Variants in RTN4R observed in about 807,000 individuals in gnomAD.
RTN4R encodes the protein reticulon-4 receptor.
In RTN4R, 4 loss-of-function variants were observed where a neutral mutation model predicts 27.7. The ratio of observed to expected loss-of-function variants is 0.14; its 90% CI spans 0.07 to 0.33. The LOEUF is 0.33. Ranked by LOEUF, RTN4R falls within the 10% of genes least tolerant of loss-of-function variation. The pLI is 1.00. For missense variants in RTN4R, 554 were observed against 671.5 expected, an observed-to-expected ratio of 0.83 and a Z score of 1.93; for synonymous variants, 290 against 305.6, an observed-to-expected ratio of 0.95 and a Z score of 0.53.
At chr22:20,253,943 AAT>A (rs1222834119) in intron 1 of RTN4R, among the ~76,000 whole-genome samples, 1 of 152,218 alleles carries the variant, frequency 6.6e-6, no homozygotes, top group Non-Finnish European at 1.5e-5. Context: ...TTGGGAGACA[AAT>A]ATAGGTTGAA....
chr22:20,258,609 CG>C (rs142780645), intron 1 of RTN4R, among the ~76,000 whole-genome samples: 1 of 152,202 alleles, frequency 6.6e-6, no homozygotes, highest in Non-Finnish European at 1.5e-5. Context: ...AAGTGAGCCA[CG>C]GGGGGCTATG....
rs1569044620 is a variant in RTN4R, at chr22:20,268,302, CGGCGGCGGCGCG to C, written c.-222_-211del. 0.012 allele frequency: 11 copies of C among 894 alleles called. No homozygotes were observed. The highest frequency in any genetic ancestry group is 0.021 in the Non-Finnish European group (8 of 378). 0.1% of individuals were successfully genotyped at this position (894 alleles called of 1,614,324 possible). A position where few individuals can be genotyped will look rare whatever the true frequency, so the allele number is the denominator to read the frequency against. ...GCGCGCAGGGCGCACAGGGCGAGGG[CGGCGGCGGCGCG>C]GGGGTTGGGGCGTGGGCGGCGCGGC... On this transcript the variant is annotated 5_prime_UTR_variant, in exon 1 of 2. Transcript: ENST00000043402.
intron 1 of RTN4R, among the ~76,000 whole-genome samples, chr22:20,253,135 A>T: frequency 6.6e-6 from 1 of 152,344 alleles, no homozygotes; most frequent in Non-Finnish European, 1.5e-5. Flanking sequence ...GAGATATGGC[A>T]GGCAGGATCC....
In RTN4R at chr22:20,255,397, C is replaced by A. The variant is rs1349882799; in HGVS notation, c.23-12287G>T. ...GCTCAAGAGCACCTGGACATACAGC[C>A]CCAGGGCAGCTGGCATCTGGCCAGG... On this transcript the variant is annotated intron_variant, in intron 1 of 1. Transcript: ENST00000043402. This position sits in a 1 kb window ranked among gnomAD's most constrained non-coding sequence, Gnocchi z 4.8. 1.3e-5 allele frequency among the ~76,000 whole-genome samples: 2 copies of A among 152,296 alleles called. No individual in the cohort carries two copies. Among genetic ancestry groups the A allele is most frequent in the South Asian group, 4.1e-4 (2 of 4,824 alleles).
At chr22:20,251,754 CACT>C (rs1327933549) in intron 1 of RTN4R, among the ~76,000 whole-genome samples, 3 of 52,134 alleles carry the variant, frequency 5.8e-5, no homozygotes, top group African/African-American at 2.1e-4. Context: ...CTATCACCAC[CACT>C]ATCATCCTCA....
chr22:20,262,448 AG>A (rs1043991588), intron 1 of RTN4R, among the ~76,000 whole-genome samples: 4 of 152,092 alleles, frequency 2.6e-5, no homozygotes, highest in African/African-American at 9.7e-5. Flanking sequence ...GTGGCAGCGG[AG>A]GGGGGACATG....
chr22:20,245,914 G>A (rs891733983), intron 1 of RTN4R, among the ~76,000 whole-genome samples: 3 of 152,188 alleles, frequency 2.0e-5, no homozygotes, highest in Non-Finnish European at 4.4e-5. Flanking sequence ...CATGGATAGC[G>A]TGCCTGTCCA....
intron 1 of RTN4R, among the ~76,000 whole-genome samples, chr22:20,246,282 G>A (rs923711119): frequency 6.6e-6 from 1 of 152,200 alleles, no homozygotes; most frequent in Non-Finnish European, 1.5e-5. Flanking sequence ...ACTGGGCAGG[G>A]TAGGACCCAG....
rs1198209013 is a variant in RTN4R, at chr22:20,268,068, C to T, written c.22+3G>A. The T allele has an allele frequency of 5.0e-6, 6 of 1,198,716 alleles. No individual in the cohort carries two copies. The Admixed American group carries it at 2.5e-4, about 51-fold the overall frequency. 74.3% of individuals were successfully genotyped at this position (1,198,716 alleles called of 1,614,324 possible). ...CGGGCTCGGGTGCAGCGCGGACACT[C>T]ACCTCCAGCGGACGCCCTCTTCATC... On this transcript the variant is annotated splice_donor_region_variant and intron_variant, in intron 1 of 1. Coordinates refer to ENST00000043402, the MANE Select transcript of RTN4R (RefSeq NM_023004.6).
intron 1 of RTN4R, among the ~76,000 whole-genome samples, chr22:20,249,420 C>G (rs908587874): frequency 6.6e-5 from 10 of 152,202 alleles, no homozygotes; most frequent in Non-Finnish European, 1.3e-4. Flanking sequence ...CACACTCCCC[C>G]AGGACCCTGG....
Position 20,241,816 on chromosome 22 carries a change from G to C in RTN4R, c.1317C>G (p.Gly439=). ...CRLGQAGSGG[G]GTGDSEGSGA... ...CTGAGCCTTCTGAGTCACCAGTCCC[G>C]CCACCCCCGCTGCCTGCCTGGCCCA... The change falls in exon 2 of 2, where the codon GGC becomes GGG. Residue 439 remains glycine, a synonymous_variant. Coordinates refer to ENST00000043402, the MANE Select transcript of RTN4R (RefSeq NM_023004.6). 1 of 1,586,768 alleles carries C rather than the reference G, an allele frequency of 6.3e-7. No individual in the cohort carries two copies. Among genetic ancestry groups the C allele is most frequent in the Non-Finnish European group, 8.6e-7 (1 of 1,167,416 alleles).
At position 20,255,014 on chromosome 22, in the gene RTN4R, G is replaced by A. The variant is rs564949433; in HGVS notation, c.23-11904C>T. On this transcript the variant is annotated intron_variant, in intron 1 of 1. Coordinates refer to ENST00000043402, the MANE Select transcript of RTN4R (RefSeq NM_023004.6). This position sits in a 1 kb window ranked among gnomAD's most constrained non-coding sequence, Gnocchi z 4.8. ...CTGATGGCAGCGAGACAGCCATGCT[G>A]GGGAGTGTGCTGGAGGAGACAGAGC... Among the ~76,000 whole-genome samples, 1 of 152,340 alleles carries A rather than the reference G, an allele frequency of 6.6e-6. No individual in the cohort carries two copies. Among genetic ancestry groups the A allele is most frequent in the South Asian group, 2.1e-4 (1 of 4,828 alleles).
intron 1 of RTN4R, among the ~76,000 whole-genome samples, chr22:20,259,553 C>T (rs2051232709): frequency 6.6e-6 from 1 of 152,178 alleles, no homozygotes; most frequent in Non-Finnish European, 1.5e-5. Flanking sequence ...CTCTGCCCCT[C>T]CCTCCACTCC....
intron 1 of RTN4R, among the ~76,000 whole-genome samples, chr22:20,251,876 T>C (rs202068462): frequency 1.8e-3 from 37 of 20,778 alleles, no homozygotes; most frequent in South Asian, 2.4e-3. Context: ...ATCACCATCA[T>C]CACTATCACT....
At chr22:20,264,959 G>A (rs1368798135) in intron 1 of RTN4R, among the ~76,000 whole-genome samples, 1 of 152,200 alleles carries the variant, frequency 6.6e-6, no homozygotes, top group Non-Finnish European at 1.5e-5. Flanking sequence ...ACACGCATTT[G>A]TTCATTTCCA....
At chr22:20,266,519 C>T (rs2051277517) in intron 1 of RTN4R, among the ~76,000 whole-genome samples, 2 of 152,218 alleles carry the variant, frequency 1.3e-5, no homozygotes, top group African/African-American at 2.4e-5. Context: ...TCACGTGCTC[C>T]AGTCAGCCAA....
Position 20,255,460 on chromosome 22 carries a change from C to G in RTN4R, c.23-12350G>C, listed in dbSNP as rs1209182545. 6.6e-6 allele frequency among the ~76,000 whole-genome samples: 1 copy of G among 152,158 alleles called. No individual in the cohort carries two copies. The highest frequency in any genetic ancestry group is 1.5e-5 in the Non-Finnish European group (1 of 68,032). ...GCTGCTTTTTGGTCCCCTGCTCGGC[C>G]AAGGGTGGCTGAGGATACATCTGGG... On this transcript the variant is annotated intron_variant, in intron 1 of 1. Coordinates refer to ENST00000043402, the MANE Select transcript of RTN4R (RefSeq NM_023004.6). The surrounding 1 kb of genome is among the most constrained non-coding windows in gnomAD (Gnocchi z 4.8).
At chr22:20,248,655 T>G (rs2051156605) in intron 1 of RTN4R, among the ~76,000 whole-genome samples, 2 of 152,086 alleles carry the variant, frequency 1.3e-5, no homozygotes, top group African/African-American at 2.4e-5. Context: ...TCCCAGGCAC[T>G]CACGGTCCAG....
In RTN4R at chr22:20,241,908, G is replaced by T; in HGVS notation, c.1225C>A (p.Pro409Thr). Residue 409 changes from proline (P) to threonine (T), a missense_variant, in exon 2 of 2, where the codon CCC becomes ACC. Around this residue, in one of 2 missense-constraint regions of RTN4R, gnomAD observed 141 missense variants for 129.2 expected, o/e 1.09. Coordinates refer to ENST00000043402, the MANE Select transcript of RTN4R (RefSeq NM_023004.6). ...GGCCTCCGGCGAGGGCCCGAGGTGG[G>T]GAACCCTGGTGGCTCGGAGCCCTCG... Reference protein sequence around the residue: ...RPEGSEPPGFPTSGPRRRPGC... With the variant: ...RPEGSEPPGFTTSGPRRRPGC... 1 of 1,605,812 alleles carries T rather than the reference G, an allele frequency of 6.2e-7. No homozygotes were observed.
Sources: gnomAD v4.1 joint callset for allele counts (sites outside exome capture counted in the v4.1 genomes callset) on GRCh38, gnomAD v4.1.1 for gene constraint, gnomAD v4.1.1 regional missense constraint, Gnocchi (gnomAD v3.1) non-coding constraint, MANE v1.5 for transcripts, NCBI Gene and HGNC (gene_info 2026-07-23, HGNC 2026-07-21) for gene names.